TYW1B: variants seen among roughly 807,000 people sequenced by gnomAD.
The protein encoded by TYW1B is S-adenosyl-L-methionine-dependent tRNA 4-demethylwyosine synthase TYW1B.
Under a neutral mutation model 86.9 loss-of-function variants are expected in TYW1B, and 73 were observed. The ratio of observed to expected loss-of-function variants is 0.84; its 90% CI spans 0.70 to 1.02. The LOEUF (loss-of-function observed/expected upper bound fraction) is 1.02. Among genes scored for constraint, TYW1B ranks in the 50% least tolerant of loss-of-function variants. The probability of loss-of-function intolerance (pLI) is 0.00; values close to 1 mark genes in which losing one functional copy is unlikely to be tolerated. For missense variants in TYW1B, 637 were observed against 827.4 expected (o/e 0.77, Z 2.82); for synonymous variants, 248 against 292.8 (o/e 0.85, Z 1.56).
At chr7:72,666,179 C>G (rs1813456814) in intron 11 of TYW1B, among the ~76,000 whole-genome samples, 1 of 151,968 alleles carries the variant, frequency 6.6e-6, no homozygotes, top group East Asian at 1.9e-4. Context: ...TTTGGGAGGT[C>G]CAGGTGGGCA....
intron 13 of TYW1B, among the ~76,000 whole-genome samples, chr7:72,582,863 C>T (rs1554429808): frequency 6.6e-6 from 1 of 152,024 alleles, no homozygotes; most frequent in Admixed American, 6.6e-5. Flanking sequence ...AAAAGTTAAC[C>T]AAAGGTGGCA....
rs1195035421 is a variant in TYW1B, at chr7:72,632,367, G to GTA, written c.1507-3371_1507-3370insTA. 9.9e-5 allele frequency among the ~76,000 whole-genome samples: 6 copies of GTA among 60,468 alleles called. 1 individual carries two copies. Among genetic ancestry groups the GTA allele is most frequent in the African/African-American group, 3.6e-4 (4 of 11,004 alleles). The allele number at this position is 60,468 out of a possible 152,430, so 39.7% of individuals were successfully genotyped here. A position where few individuals can be genotyped will look rare whatever the true frequency, so the allele number is the denominator to read the frequency against. On this transcript the variant is annotated intron_variant, in intron 11 of 13. Transcript: ENST00000620995. ...TATATTATATATATTATATATATACGCATATATATTATATATATACGTATA... is the reference window on the plus strand; with the variant it reads ...TATATTATATATATTATATATATACGTACATATATATTATATATATACGTATA...
chr7:72,576,325 C>T (rs1381509081), intron 13 of TYW1B, among the ~76,000 whole-genome samples: 15 of 152,060 alleles, frequency 9.9e-5, no homozygotes, highest in Non-Finnish European at 2.1e-4. Context: ...TCAAAAGTCA[C>T]GGTAGAATAA....
intron 7 of TYW1B, among the ~76,000 whole-genome samples, chr7:72,749,778 T>C (rs768307437): frequency 2.3e-4 from 34 of 150,120 alleles, no homozygotes; most frequent in South Asian, 4.2e-4. Flanking sequence ...AGGAACTAGA[T>C]TGCTGATTTG....
chr7:72,698,475 T>C (rs1204612515), intron 10 of TYW1B, among the ~76,000 whole-genome samples: 3 of 151,446 alleles, frequency 2.0e-5, no homozygotes, highest in Non-Finnish European at 2.9e-5. Context: ...TGAAACCCCA[T>C]CTCTACTAAA....
intron 11 of TYW1B, among the ~76,000 whole-genome samples, chr7:72,645,160 C>T (rs1471774596): frequency 1.3e-5 from 2 of 152,132 alleles, no homozygotes; most frequent in Non-Finnish European, 2.9e-5. Context: ...ATGCACTCAC[C>T]AGATAAAGAC....
intron 11 of TYW1B, among the ~76,000 whole-genome samples, chr7:72,649,453 T>A (rs530129543): frequency 6.6e-6 from 1 of 152,248 alleles, no homozygotes; most frequent in South Asian, 2.1e-4. Context: ...GAAGATCATG[T>A]TATTGCCTAA....
intron 11 of TYW1B, among the ~76,000 whole-genome samples, chr7:72,631,542 T>G (rs527337344): frequency 6.6e-6 from 1 of 152,060 alleles, no homozygotes; most frequent in African/African-American, 2.4e-5. Context: ...ATAAATGCAT[T>G]TCTATTTAGT....
At chr7:72,617,514 C>T (rs782234741) in intron 12 of TYW1B, among the ~76,000 whole-genome samples, 27 of 152,040 alleles carry the variant, frequency 1.8e-4, no homozygotes, top group Non-Finnish European at 1.8e-4. Context: ...TTACAGGCGC[C>T]TGCCACCACG....
At chr7:72,642,261 A>G (rs1325942156) in intron 11 of TYW1B, among the ~76,000 whole-genome samples, 1 of 152,238 alleles carries the variant, frequency 6.6e-6, no homozygotes, top group Non-Finnish European at 1.5e-5. Flanking sequence ...ATGAAAACAT[A>G]AGGTAAATCT....
chr7:72,590,797 G>C (rs1811379069), intron 13 of TYW1B, among the ~76,000 whole-genome samples: 1 of 152,148 alleles, frequency 6.6e-6, no homozygotes, highest in Admixed American at 6.6e-5. Flanking sequence ...GGCACACAAA[G>C]AAACAGTGAA....
intron 9 of TYW1B, among the ~76,000 whole-genome samples, chr7:72,725,360 G>T (rs2129570960): frequency 6.6e-6 from 1 of 152,202 alleles, no homozygotes; most frequent in East Asian, 1.9e-4. Flanking sequence ...TTCATTCAGG[G>T]AGACTCCAGG....
At chr7:72,754,594 T>C (rs1787555946) in intron 7 of TYW1B, among the ~76,000 whole-genome samples, 2 of 152,002 alleles carry the variant, frequency 1.3e-5, no homozygotes, top group East Asian at 1.9e-4. Flanking sequence ...CATGCCACCA[T>C]GTCTGGCTAA....
chr7:72,805,156 C>G (rs1585997091), intron 5 of TYW1B, among the ~76,000 whole-genome samples: 1 of 151,486 alleles, frequency 6.6e-6, no homozygotes. Flanking sequence ...CACACAGATA[C>G]TACATCAAAA....
Position 72,757,238 on chromosome 7 carries a change from C to T in TYW1B, c.965-12637G>A, listed in dbSNP as rs560741092. Among the ~76,000 whole-genome samples, 35 of 151,990 alleles carry T rather than the reference C, an allele frequency of 2.3e-4. No individual in the cohort carries two copies. The South Asian group carries it at 7.1e-3, about 31-fold the overall frequency. On this transcript the variant is annotated intron_variant, in intron 7 of 13. Transcript: ENST00000620995. ...CAAAAATTAGCCAGGCGTGGTAGCG[C>T]GCGCCTGTAATCCCAGCTACTCAGG...
At chr7:72,644,124 T>A (rs1473717493) in intron 11 of TYW1B, among the ~76,000 whole-genome samples, 4 of 152,112 alleles carry the variant, frequency 2.6e-5, no homozygotes, top group Non-Finnish European at 5.9e-5. Flanking sequence ...ATTAGCAGAA[T>A]AAAGGAAATC....
At chr7:72,589,374 C>A (rs553965346) in intron 13 of TYW1B, among the ~76,000 whole-genome samples, 1 of 152,244 alleles carries the variant, frequency 6.6e-6, no homozygotes, top group East Asian at 1.9e-4. Flanking sequence ...AGAGGAATAT[C>A]CTCAAAGTGC....
chr7:72,787,294 C>T (rs1788145137), intron 6 of TYW1B, among the ~76,000 whole-genome samples: 1 of 151,710 alleles, frequency 6.6e-6, no homozygotes, highest in Non-Finnish European at 1.5e-5. Flanking sequence ...AAAACCCCGT[C>T]TCTACAAAAA....
At chr7:72,613,436 C>A (rs1445514181) in intron 13 of TYW1B, among the ~76,000 whole-genome samples, 1 of 102,682 alleles carries the variant, frequency 9.7e-6, no homozygotes, top group Admixed American at 1.5e-4. Flanking sequence ...GAGATGGAGT[C>A]TCACCCTTTC....
Sources: allele counts gnomAD v4.1 joint callset (sites outside exome capture counted in the v4.1 genomes callset), GRCh38; gene constraint gnomAD v4.1.1; transcripts MANE v1.5; gene names NCBI Gene and HGNC (gene_info 2026-07-23, HGNC 2026-07-21).